The following UBLCP1 variants were observed in gnomAD, a reference collection of about 807,000 sequenced individuals.
UBLCP1 encodes the protein ubiquitin like domain containing CTD phosphatase 1.
Under a neutral mutation model 42.4 loss-of-function variants are expected in UBLCP1, and 28 were observed. That is an observed-to-expected ratio of 0.66 (90% CI 0.49 to 0.90). UBLCP1 has a LOEUF of 0.90. Ranked by LOEUF, UBLCP1 falls within the 40% of genes least tolerant of loss-of-function variation. The probability of loss-of-function intolerance (pLI) is 0.00; values close to 1 mark genes in which losing one functional copy is unlikely to be tolerated. For missense variants in UBLCP1, 279 were observed against 374.5 expected (o/e 0.75, Z 2.10); for synonymous variants, 122 against 120.8 (o/e 1.01, Z -0.07).
intron 10 of UBLCP1, among the ~76,000 whole-genome samples, chr5:159,283,996 A>T (rs1446457439): frequency 6.6e-6 from 1 of 152,068 alleles, no homozygotes; most frequent in Non-Finnish European, 1.5e-5. Context: ...TTTGGGGGGG[A>T]ATTAGATCTT....
intron 9 of UBLCP1, among the ~76,000 whole-genome samples, chr5:159,281,005 A>G (rs1041706733): frequency 6.6e-6 from 1 of 152,262 alleles, no homozygotes; most frequent in African/African-American, 2.4e-5. Flanking sequence ...CACTTAGATC[A>G]GTTTTTAAAA....
At chr5:159,276,216 G>T (rs1290694109) in intron 8 of UBLCP1, among the ~76,000 whole-genome samples, 2 of 152,030 alleles carry the variant, frequency 1.3e-5, no homozygotes, top group Non-Finnish European at 2.9e-5. Flanking sequence ...CAAACCCAGG[G>T]GGCGGTGGTT....
chr5:159,273,912 T>G (rs185807041), intron 6 of UBLCP1, among the ~76,000 whole-genome samples: 3 of 152,252 alleles, frequency 2.0e-5, no homozygotes, highest in Admixed American at 6.5e-5. Flanking sequence ...AACATTTTAC[T>G]TGGTTATACC....
rs183145008 is a variant in UBLCP1, at chr5:159,275,491, A to G, written c.684+245A>G. On this transcript the variant is annotated intron_variant, in intron 8 of 10. Coordinates refer to ENST00000296786, the MANE Select transcript of UBLCP1 (RefSeq NM_145049.5). ...GCAGTGGTGCAATCTCGCTCACGCA[A>G]GCTCCGCCTCCCAGGTTCACGCCAT... Among the ~76,000 whole-genome samples, 30 of 142,326 alleles carry G rather than the reference A, an allele frequency of 2.1e-4. No individual in the cohort carries two copies. The East Asian group carries it at 5.4e-3, about 26-fold the overall frequency. 93.4% of individuals were successfully genotyped at this position (142,326 alleles called of 152,430 possible).
chr5:159,284,983 T>A lies in UBLCP1; in HGVS notation c.*52T>A, dbSNP rs770376034. The A allele has an allele frequency of 6.5e-7, 1 of 1,543,120 alleles. No homozygotes were observed. The highest frequency in any genetic ancestry group is 9.0e-7 in the Non-Finnish European group (1 of 1,116,370). On this transcript the variant is annotated 3_prime_UTR_variant, in exon 11 of 11. Transcript: ENST00000296786. The stretch of plus-strand genomic sequence containing the variant: ...AGATACTTAAGATCCAAGAACTTCT[T>A]GCTTTTATGCTAGAAATCATTATGA...
chr5:159,274,757 A>G (rs1364853658), intron 7 of UBLCP1, 135 bp downstream of exon 7: 7 of 737,564 alleles, frequency 9.5e-6, no homozygotes, highest in Non-Finnish European at 1.5e-5. Flanking sequence ...TTGGGAGTAG[A>G]GGTGTTTTTA....
intron 8 of UBLCP1, among the ~76,000 whole-genome samples, chr5:159,275,938 G>A (rs1753531039): frequency 1.3e-5 from 2 of 152,196 alleles, no homozygotes; most frequent in South Asian, 2.1e-4. Context: ...GATGCATCAT[G>A]ATGCATGTAC....
At chr5:159,282,139 CCTT>C (rs1054764624) in intron 9 of UBLCP1, among the ~76,000 whole-genome samples, 1 of 152,028 alleles carries the variant, frequency 6.6e-6, no homozygotes, top group Admixed American at 6.5e-5. Flanking sequence ...ACTTCCCTCT[CCTT>C]AATATTTTGA....
chr5:159,281,524 A>G (rs989414594), intron 9 of UBLCP1, among the ~76,000 whole-genome samples: 1 of 152,132 alleles, frequency 6.6e-6, no homozygotes, highest in Non-Finnish European at 1.5e-5. Context: ...ATCTCCCACA[A>G]ATGCTGATTT....
intron 1 of UBLCP1, among the ~76,000 whole-genome samples, chr5:159,263,800 C>T (rs1274259792): frequency 1.3e-5 from 2 of 152,196 alleles, no homozygotes; most frequent in Non-Finnish European, 2.9e-5. Context: ...TAGTGCTTCA[C>T]GGTTATCTTT....
intron 9 of UBLCP1, among the ~76,000 whole-genome samples, chr5:159,279,700 TTGTCC>T (rs1341514734): frequency 6.6e-6 from 1 of 152,234 alleles, no homozygotes; most frequent in Admixed American, 6.5e-5. Context: ...AGTGGTTATG[TTGTCC>T]TTAATGGTTT....
intron 9 of UBLCP1, 21 bp from the exon 10 acceptor site, chr5:159,283,191 G>A (rs368576978): frequency 1.3e-5 from 21 of 1,596,064 alleles, no homozygotes; most frequent in African/African-American, 4.1e-5. Context: ...GATGTGTTGA[G>A]TAATGTTTGT....
chr5:159,266,609 C>T (rs1325428545), intron 1 of UBLCP1, among the ~76,000 whole-genome samples: 3 of 152,236 alleles, frequency 2.0e-5, no homozygotes, highest in South Asian at 2.1e-4. Context: ...GGGAAAATGT[C>T]TCCAGGCTAT....
rs145815046 is a variant in UBLCP1 at position 159,285,246 on chromosome 5, A to C, written c.*315A>C. On this transcript the variant is annotated 3_prime_UTR_variant, in exon 11 of 11. Transcript: ENST00000296786. Reference sequence around the variant, plus strand: ...CACACACACACACACACACACACAAAGTGGAGAAAAATGTATACTCAACAA... The same window carrying C: ...CACACACACACACACACACACACAACGTGGAGAAAAATGTATACTCAACAA... 0.17 allele frequency: 28,834 copies of C among 174,026 alleles called. 4,161 individuals carry two copies. The highest frequency in any genetic ancestry group is 0.2 in the Non-Finnish European group (18,198 of 91,188). 10.8% of individuals were successfully genotyped at this position (174,026 alleles called of 1,614,324 possible).
intron 6 of UBLCP1, among the ~76,000 whole-genome samples, chr5:159,272,675 T>C (rs1046024237): frequency 1.3e-5 from 2 of 152,232 alleles, no homozygotes; most frequent in South Asian, 2.1e-4. Context: ...CACAGTGATA[T>C]AGTTCTCTGG....
chr5:159,283,162 G>A, intron 9 of UBLCP1, 50 bp from the exon 10 acceptor site: 1 of 1,555,962 alleles, frequency 6.4e-7, no homozygotes, highest in Non-Finnish European at 8.6e-7. Context: ...AGATTTGTTA[G>A]TTTTCCTTAT....
At position 159,274,406 on chromosome 5, in the gene UBLCP1, C is replaced by T. The variant is rs1383239792; in HGVS notation, c.548-179C>T. 2 of 501,726 alleles carry T rather than the reference C, an allele frequency of 4.0e-6. 1 individual carries two copies. Among genetic ancestry groups the T allele is most frequent in the Middle Eastern group, 1.1e-3 (2 of 1,850 alleles). The allele number at this position is 501,726 out of a possible 1,614,324, so 31.1% of individuals were successfully genotyped here. On this transcript the variant is annotated intron_variant, in intron 6 of 10. Transcript: ENST00000296786. ...TAAAATTTATTCTGTCTTGAAGACACACTGCAGTAAGTTTACTTTTATCAA... is the reference window on the plus strand; with the variant it reads ...TAAAATTTATTCTGTCTTGAAGACATACTGCAGTAAGTTTACTTTTATCAA...
In UBLCP1 at chr5:159,271,752, A is replaced by G. The variant is rs575784793; in HGVS notation, c.449-271A>G. On this transcript the variant is annotated intron_variant, in intron 5 of 10. Coordinates refer to ENST00000296786, the MANE Select transcript of UBLCP1 (RefSeq NM_145049.5). ...ATCTAAACTTTAGAGACTAGGTGAG[A>G]AAAAAATTTTCAGTTTACTACTTAA... Among the ~76,000 whole-genome samples the G allele has an allele frequency of 7.9e-5, 12 of 152,316 alleles. No individual in the cohort carries two copies. The South Asian group carries it at 2.3e-3, about 29-fold the overall frequency.
intron 10 of UBLCP1, among the ~76,000 whole-genome samples, 178 bp from the exon 11 acceptor site, chr5:159,284,726 G>A (rs1584743058): frequency 6.6e-6 from 1 of 152,154 alleles, no homozygotes; most frequent in African/African-American, 2.4e-5. Flanking sequence ...AAGACTAAAT[G>A]AATTAATACA....
Sources: allele counts gnomAD v4.1 joint callset (sites outside exome capture counted in the v4.1 genomes callset), GRCh38; gene constraint gnomAD v4.1.1; transcripts MANE v1.5; gene names NCBI Gene and HGNC (gene_info 2026-07-23, HGNC 2026-07-21).